The following SORCS2 variants were observed in gnomAD, a reference collection of about 807,000 sequenced individuals.
The protein encoded by SORCS2 is sortilin related VPS10 domain containing receptor 2, also known as VPS10 domain-containing receptor SorCS2.
In SORCS2, 100 loss-of-function variants were observed where a neutral mutation model predicts 141.6. The observed-to-expected ratio is 0.71, with a 90% confidence interval of 0.60 to 0.83. The LOEUF (loss-of-function observed/expected upper bound fraction) is 0.83. Ranked by LOEUF, SORCS2 falls within the 40% of genes least tolerant of loss-of-function variation. The probability of loss-of-function intolerance (pLI) is 0.00; values close to 1 mark genes in which losing one functional copy is unlikely to be tolerated. For synonymous variants in SORCS2, 789 were observed against 676.9 expected (o/e 1.17, Z -2.57); for missense variants, 1,646 against 1,560.2 (o/e 1.05, Z -0.93).
chr4:7,544,522 GGAA>G (rs1380297849), intron 3 of SORCS2, among the ~76,000 whole-genome samples: 2 of 152,232 alleles, frequency 1.3e-5, no homozygotes, highest in Non-Finnish European at 2.9e-5. Flanking sequence ...GCGGCCAGCA[GGAA>G]GAAGAGCTAT....
chr4:7,472,397 C>T (rs2078352350), intron 2 of SORCS2, among the ~76,000 whole-genome samples: 1 of 152,148 alleles, frequency 6.6e-6, no homozygotes, highest in Admixed American at 6.5e-5. Flanking sequence ...ACGGCATGTT[C>T]CCCGCCTCAG....
At chr4:7,545,462 A>G (rs1254366142) in intron 3 of SORCS2, among the ~76,000 whole-genome samples, 1 of 152,116 alleles carries the variant, frequency 6.6e-6, no homozygotes, top group Non-Finnish European at 1.5e-5. Flanking sequence ...GGCTGGAGGG[A>G]GTGGCAGGGG....
At chr4:7,711,251 C>CT (rs1725809349) in intron 14 of SORCS2, among the ~76,000 whole-genome samples, 2 of 152,228 alleles carry the variant, frequency 1.3e-5, no homozygotes, top group African/African-American at 4.8e-5. Context: ...GCTTGCCTGG[C>CT]TGAGAGGTGC....
In SORCS2 at chr4:7,286,061, C is replaced by A. The variant is rs1716202280; in HGVS notation, c.480+92935C>A. Among the ~76,000 whole-genome samples, 1 of 152,224 alleles carries A rather than the reference C, an allele frequency of 6.6e-6. No homozygotes were observed. Among genetic ancestry groups the A allele is most frequent in the Non-Finnish European group, 1.5e-5 (1 of 68,048 alleles). Reference sequence around the variant, plus strand: ...CGCCGGGGGCTCCCTGCCTGCCTCCCATCCATCTTCCCGGTGCCTCTTTGT... The same window carrying A: ...CGCCGGGGGCTCCCTGCCTGCCTCCAATCCATCTTCCCGGTGCCTCTTTGT... On this transcript the variant is annotated intron_variant, in intron 1 of 26. Transcript: ENST00000507866. This position sits in a 1 kb window ranked among gnomAD's most constrained non-coding sequence, Gnocchi z 4.1.
At chr4:7,428,331 A>G (rs1377261609) in intron 2 of SORCS2, among the ~76,000 whole-genome samples, 1 of 152,196 alleles carries the variant, frequency 6.6e-6, no homozygotes, top group Non-Finnish European at 1.5e-5. Flanking sequence ...GTCCCAGAAG[A>G]GCCAGCGTTC....
intron 2 of SORCS2, among the ~76,000 whole-genome samples, chr4:7,413,390 G>GTTTTTTTTTTTT (rs1725450042): frequency 6.1e-5 from 3 of 48,920 alleles, no homozygotes; most frequent in Non-Finnish European, 1.4e-4. Flanking sequence ...TTTCACAGCT[G>GTTTTTTTTTTTT]CTTTTTTTTT....
At chr4:7,699,895 G>C (rs1724950102) in intron 12 of SORCS2, among the ~76,000 whole-genome samples, 1 of 152,110 alleles carries the variant, frequency 6.6e-6, no homozygotes, top group African/African-American at 2.4e-5. Context: ...ATCATTGTGG[G>C]AGCCTCTAAC....
At chr4:7,365,760 C>T (rs1227437656) in intron 1 of SORCS2, among the ~76,000 whole-genome samples, 2 of 152,154 alleles carry the variant, frequency 1.3e-5, no homozygotes, top group East Asian at 1.9e-4. Flanking sequence ...GCCAGGGCTG[C>T]GCTAATGATA....
intron 2 of SORCS2, chr4:7,434,141 G>A: frequency 3.1e-6 from 5 of 1,613,778 alleles, no homozygotes; most frequent in Non-Finnish European, 4.2e-6. Flanking sequence ...TTCCTGCAGA[G>A]CTCCTGCGGG....
intron 4 of SORCS2, among the ~76,000 whole-genome samples, chr4:7,646,303 T>G (rs1721069710): frequency 6.6e-6 from 1 of 151,670 alleles, no homozygotes; most frequent in African/African-American, 2.4e-5. Context: ...ACTTCAGGGG[T>G]GGGGGTGGAA....
chr4:7,596,883 C>T (rs911596245), intron 3 of SORCS2, among the ~76,000 whole-genome samples: 1 of 152,142 alleles, frequency 6.6e-6, no homozygotes, highest in African/African-American at 2.4e-5. Flanking sequence ...AAAGCAGCCA[C>T]ATTCAGATCA....
At chr4:7,709,224 C>A (rs1341900714) in intron 14 of SORCS2, among the ~76,000 whole-genome samples, 1 of 152,184 alleles carries the variant, frequency 6.6e-6, no homozygotes, top group African/African-American at 2.4e-5. Context: ...TGAGGGCGGC[C>A]CTTACTCCTC....
chr4:7,599,662 G>C (rs956573641), intron 3 of SORCS2, among the ~76,000 whole-genome samples: 2 of 152,084 alleles, frequency 1.3e-5, no homozygotes, highest in African/African-American at 4.8e-5. Flanking sequence ...GGCACAGCGG[G>C]GGCAGGTCTC....
In SORCS2 at chr4:7,638,411, G is replaced by C. The variant is rs970535977; in HGVS notation, c.732G>C (p.Gln244His). 2 of 1,599,540 alleles carry C rather than the reference G, an allele frequency of 1.3e-6. No homozygotes were observed. The highest frequency in any genetic ancestry group is 1.7e-6 in the Non-Finnish European group (2 of 1,174,072). Residue 244 changes from glutamine to histidine, a missense_variant, in exon 4 of 27, where the codon CAG becomes CAC. By Grantham distance (24) the Gln-to-His change is conservative. Coordinates refer to ENST00000507866, the MANE Select transcript of SORCS2 (RefSeq NM_020777.3). The part of the protein sequence containing the change: ...SADEGATFQK[Q>H]PIPFFVETLI... ...ACGAAGGCGCCACCTTTCAGAAGCA[G>C]CCCATTCCCTTCTTCGTGGAAACTC...
At chr4:7,209,796 A>G (rs17879565) in intron 1 of SORCS2, among the ~76,000 whole-genome samples, 47,122 of 151,974 alleles carry the variant, frequency 0.31, 7,962 homozygotes, top group Non-Finnish European at 0.37. Context: ...GTTTTTGTTG[A>G]CATCATGGAT....
intron 2 of SORCS2, among the ~76,000 whole-genome samples, chr4:7,457,431 T>C (rs7678165): frequency 0.84 from 127,247 of 150,972 alleles, 53,608 homozygotes; most frequent in East Asian, 0.91. Flanking sequence ...AGGTGTGAGC[T>C]GCAGCCAGAG....
At chr4:7,278,407 G>C (rs1481257603) in intron 1 of SORCS2, among the ~76,000 whole-genome samples, 1 of 151,290 alleles carries the variant, frequency 6.6e-6, no homozygotes, top group Non-Finnish European at 1.5e-5. Context: ...TGTGAGAGGG[G>C]GTGGGGGGCA....
intron 2 of SORCS2, among the ~76,000 whole-genome samples, chr4:7,459,086 G>C (rs1264332564): frequency 6.7e-6 from 1 of 149,340 alleles, no homozygotes; most frequent in Non-Finnish European, 1.5e-5. Context: ...TGGGCTGGGG[G>C]CACACTCTTC....
intron 1 of SORCS2, among the ~76,000 whole-genome samples, chr4:7,370,312 C>T (rs558948773): frequency 5.3e-5 from 8 of 152,128 alleles, no homozygotes; most frequent in Admixed American, 1.3e-4. Context: ...TGTCTGAGCC[C>T]GGACGGGGGC....
Sources: allele counts gnomAD v4.1 joint callset (sites outside exome capture counted in the v4.1 genomes callset), GRCh38; gene constraint gnomAD v4.1.1; non-coding constraint Gnocchi (gnomAD v3.1); transcripts MANE v1.5; gene names NCBI Gene and HGNC (gene_info 2026-07-23, HGNC 2026-07-21).